The following CDH13 variants were observed in gnomAD, a reference collection of about 807,000 sequenced individuals.
CDH13 encodes the protein cadherin-13.
Under a neutral mutation model 63.8 loss-of-function variants are expected in CDH13, and 24 were observed. The observed-to-expected ratio is 0.38, with a 90% confidence interval of 0.27 to 0.53. CDH13 has a LOEUF of 0.53. Among genes scored for constraint, CDH13 ranks in the 20% least tolerant of loss-of-function variants. The pLI is 0.85. For missense variants in CDH13, 1,049 were observed against 903.1 expected (o/e 1.16, Z -2.07); for synonymous variants, 503 against 355.3 (o/e 1.42, Z -4.67).
chr16:82,969,589 A>C (rs1908394805), intron 2 of CDH13, among the ~76,000 whole-genome samples: 1 of 151,282 alleles, frequency 6.6e-6, no homozygotes, highest in Non-Finnish European at 1.5e-5. Context: ...AATTTGAACT[A>C]GGTAATCTTT....
chr16:83,569,228 T>C (rs1293999261), intron 7 of CDH13, among the ~76,000 whole-genome samples: 1 of 152,146 alleles, frequency 6.6e-6, no homozygotes, highest in Non-Finnish European at 1.5e-5. Flanking sequence ...GCTGATCTTT[T>C]CAGACTCAGC....
chr16:83,067,895 T>A (rs563139385), intron 3 of CDH13, among the ~76,000 whole-genome samples: 1 of 152,254 alleles, frequency 6.6e-6, no homozygotes, highest in South Asian at 2.1e-4. Context: ...TTTCGCCACC[T>A]GCTCTGGCCA....
At chr16:83,550,676 A>G (rs1420539475) in intron 7 of CDH13, among the ~76,000 whole-genome samples, 4 of 152,290 alleles carry the variant, frequency 2.6e-5, no homozygotes, top group African/African-American at 7.2e-5. Context: ...AACCTCATGG[A>G]AAGTTCCATG....
intron 2 of CDH13, among the ~76,000 whole-genome samples, chr16:82,920,287 C>G (rs944981094): frequency 6.6e-6 from 1 of 152,154 alleles, no homozygotes; most frequent in Non-Finnish European, 1.5e-5. Flanking sequence ...CCCATAAGTT[C>G]TCCCCTCATA....
chr16:83,331,264 C>A (rs75008210), intron 5 of CDH13, among the ~76,000 whole-genome samples: 1 of 152,146 alleles, frequency 6.6e-6, no homozygotes, highest in Admixed American at 6.5e-5. Flanking sequence ...GTGATAACAG[C>A]GATGGCTCCA....
intron 1 of CDH13, among the ~76,000 whole-genome samples, chr16:82,835,964 G>T (rs777075163): frequency 3.3e-5 from 5 of 152,136 alleles, no homozygotes; most frequent in African/African-American, 9.7e-5. Flanking sequence ...AAGTCTCATC[G>T]CTCAGGTCTC....
intron 3 of CDH13, among the ~76,000 whole-genome samples, chr16:83,083,973 G>A (rs75430023): frequency 0.011 from 1,616 of 152,250 alleles, 13 homozygotes; most frequent in Non-Finnish European, 0.015. Context: ...CAGCTGTTTC[G>A]AGACCAGACC....
At chr16:82,771,760 C>T (rs2035276568) in intron 1 of CDH13, among the ~76,000 whole-genome samples, 2 of 152,172 alleles carry the variant, frequency 1.3e-5, no homozygotes, top group African/African-American at 2.4e-5. Context: ...CTAGGAAAAA[C>T]GTATAGGGAA....
intron 5 of CDH13, among the ~76,000 whole-genome samples, chr16:83,252,359 T>A (rs1242763725): frequency 2.0e-5 from 3 of 151,940 alleles, no homozygotes; most frequent in Admixed American, 6.6e-5. Context: ...TTTATTAGGA[T>A]GTTATGGTTA....
At chr16:82,890,574 A>G (rs1468067724) in intron 2 of CDH13, among the ~76,000 whole-genome samples, 2 of 152,072 alleles carry the variant, frequency 1.3e-5, no homozygotes, top group Admixed American at 6.6e-5. Flanking sequence ...GGAGTTTTCA[A>G]GGTCTTCTTA....
intron 2 of CDH13, among the ~76,000 whole-genome samples, chr16:82,950,345 C>T (rs137992159): frequency 5.9e-5 from 9 of 152,114 alleles, no homozygotes; most frequent in Middle Eastern, 3.4e-3. Context: ...TTGGTAAGGA[C>T]GTGGTATGGT....
intron 6 of CDH13, among the ~76,000 whole-genome samples, chr16:83,454,514 C>G (rs2072968463): frequency 6.6e-6 from 1 of 152,218 alleles, no homozygotes; most frequent in Non-Finnish European, 1.5e-5. Flanking sequence ...TTTAATGTAT[C>G]ATAAGCACAT....
At chr16:82,887,215 C>T (rs1415075003) in intron 2 of CDH13, among the ~76,000 whole-genome samples, 3 of 152,162 alleles carry the variant, frequency 2.0e-5, no homozygotes, top group African/African-American at 4.8e-5. Context: ...CCAAATAATA[C>T]ATACTTTCAG....
chr16:83,234,735 C>G (rs1166626851), intron 5 of CDH13, among the ~76,000 whole-genome samples: 1 of 152,174 alleles, frequency 6.6e-6, no homozygotes, highest in Non-Finnish European at 1.5e-5. Context: ...GCTTATAGTC[C>G]TAAGGACCTT....
chr16:83,035,085 C>T (rs1916726641), intron 3 of CDH13, among the ~76,000 whole-genome samples: 1 of 138,016 alleles, frequency 7.2e-6, no homozygotes, highest in African/African-American at 2.9e-5. Context: ...AAAAACGCCT[C>T]AAAAAAGGAA....
intron 10 of CDH13, among the ~76,000 whole-genome samples, chr16:83,692,784 A>G (rs1413618251): frequency 6.6e-6 from 1 of 152,164 alleles, no homozygotes; most frequent in Non-Finnish European, 1.5e-5. Flanking sequence ...ACAGCCTTGC[A>G]AAGAAAAGCA....
chr16:82,640,533 G>T (rs1447609806), intron 1 of CDH13, among the ~76,000 whole-genome samples: 1 of 152,178 alleles, frequency 6.6e-6, no homozygotes, highest in African/African-American at 2.4e-5. Context: ...ATATGTAAAT[G>T]AATGGGCAGG....
chr16:82,698,031 A>G (rs1032515938), intron 1 of CDH13, among the ~76,000 whole-genome samples: 2 of 152,088 alleles, frequency 1.3e-5, no homozygotes, highest in African/African-American at 4.8e-5. Flanking sequence ...TAGGGGCTAT[A>G]AAGAAGTATC....
At chr16:83,362,668 G>C (rs756826689) in intron 6 of CDH13, among the ~76,000 whole-genome samples, 3 of 152,186 alleles carry the variant, frequency 2.0e-5, no homozygotes, top group Admixed American at 6.5e-5. Context: ...GTCTGCCTTT[G>C]CCTGACCTCA....
Sources: gnomAD v4.1 joint callset for allele counts (sites outside exome capture counted in the v4.1 genomes callset) on GRCh38, gnomAD v4.1.1 for gene constraint, MANE v1.5 for transcripts, NCBI Gene and HGNC (gene_info 2026-07-23, HGNC 2026-07-21) for gene names.